TCF7L1: variants seen among roughly 807,000 people sequenced by gnomAD.
TCF7L1 encodes the protein transcription factor 7-like 1.
Under a neutral mutation model 63.7 loss-of-function variants are expected in TCF7L1, and 18 were observed. That is an observed-to-expected ratio of 0.28 (90% CI 0.20 to 0.42). The LOEUF (loss-of-function observed/expected upper bound fraction) is 0.42, where lower values mean the gene tolerates loss of function less well. TCF7L1 is among the 10% of genes least tolerant of loss of function. The pLI, the probability that TCF7L1 is intolerant of heterozygous loss-of-function variation, is 1.00. For missense variants in TCF7L1, 654 were observed against 779.3 expected (o/e 0.84, Z 1.91); for synonymous variants, 355 against 340.9 (o/e 1.04, Z -0.46).
At chr2:85,161,667 T>C (rs1678290115) in intron 3 of TCF7L1, among the ~76,000 whole-genome samples, 1 of 152,212 alleles carries the variant, frequency 6.6e-6, no homozygotes, top group South Asian at 2.1e-4. Context: ...TCTATCTTTG[T>C]GCAGTTTTGG....
intron 3 of TCF7L1, chr2:85,232,977 C>G (rs1406658791): frequency 6.6e-6 from 1 of 152,128 alleles, no homozygotes; most frequent in East Asian, 1.9e-4. Flanking sequence ...CTCTGTCACC[C>G]AGGCTAGAGT....
intron 3 of TCF7L1, among the ~76,000 whole-genome samples, chr2:85,146,492 T>C (rs113082906): frequency 0.081 from 11,227 of 138,066 alleles, 484 homozygotes; most frequent in Middle Eastern, 0.12. Flanking sequence ...TTCTTTTCTT[T>C]CTTTCTTTTT....
At chr2:85,302,769 G>A (rs1335989234) in intron 5 of TCF7L1, among the ~76,000 whole-genome samples, 153 bp downstream of exon 5, 1 of 152,056 alleles carries the variant, frequency 6.6e-6, no homozygotes, top group Non-Finnish European at 1.5e-5. Flanking sequence ...CTTTAGCCTT[G>A]TCATTTTTTT....
intron 4 of TCF7L1, among the ~76,000 whole-genome samples, chr2:85,288,414 C>G (rs1040777277): frequency 2.0e-5 from 3 of 152,124 alleles, no homozygotes; most frequent in Non-Finnish European, 2.9e-5. Flanking sequence ...TTACTCCATG[C>G]GGCTCTCCAG....
chr2:85,291,493 C>T (rs553752703), intron 4 of TCF7L1, among the ~76,000 whole-genome samples: 52 of 152,252 alleles, frequency 3.4e-4, no homozygotes, highest in African/African-American at 1.2e-3. Context: ...GAAGCCTCAC[C>T]GGAAGCACCT....
At chr2:85,225,303 A>G (rs1572999109) in intron 3 of TCF7L1, among the ~76,000 whole-genome samples, 1 of 152,156 alleles carries the variant, frequency 6.6e-6, no homozygotes, top group Non-Finnish European at 1.5e-5. Flanking sequence ...GTTTTTTCCA[A>G]TTCTGTGAAG....
chr2:85,154,809 A>C (rs1318628440), intron 3 of TCF7L1, among the ~76,000 whole-genome samples: 4 of 151,620 alleles, frequency 2.6e-5, no homozygotes, highest in African/African-American at 9.7e-5. Flanking sequence ...CAAGTGAGTG[A>C]GGCACCCATA....
At position 85,309,704 on chromosome 2, in the gene TCF7L1, G is replaced by C. The variant is rs920022688; in HGVS notation, c.*242G>C. On this transcript the variant is annotated 3_prime_UTR_variant, in exon 12 of 12. Transcript: ENST00000282111. Reference sequence around the variant, plus strand: ...ATAAGAAAGAGAACTGAAAAGTAGCGTGCTATTCGTCCTGTAGGTGCTGTG... The same window carrying C: ...ATAAGAAAGAGAACTGAAAAGTAGCCTGCTATTCGTCCTGTAGGTGCTGTG... The C allele has an allele frequency of 4.6e-6, 2 of 436,940 alleles. No individual in the cohort carries two copies. Among genetic ancestry groups the C allele is most frequent in the Non-Finnish European group, 4.0e-6 (1 of 250,250 alleles). The allele number at this position is 436,940 out of a possible 1,614,324, so 27.1% of individuals were successfully genotyped here.
intron 3 of TCF7L1, among the ~76,000 whole-genome samples, chr2:85,203,038 T>G (rs1394249147): frequency 2.0e-5 from 3 of 152,134 alleles, no homozygotes; most frequent in Non-Finnish European, 4.4e-5. Context: ...GGTTTCACCA[T>G]GTTAGCCAGG....
intron 3 of TCF7L1, among the ~76,000 whole-genome samples, chr2:85,155,402 C>T (rs1008823572): frequency 1.3e-5 from 2 of 152,172 alleles, no homozygotes; most frequent in African/African-American, 4.8e-5. Flanking sequence ...TGCTGCTGTT[C>T]ACTCTTTGGG....
At chr2:85,224,594 A>G (rs1227197794) in intron 3 of TCF7L1, among the ~76,000 whole-genome samples, 3 of 152,150 alleles carry the variant, frequency 2.0e-5, no homozygotes, top group East Asian at 1.9e-4. Context: ...TTTGAGAAGT[A>G]TCTGTTCATA....
intron 3 of TCF7L1, among the ~76,000 whole-genome samples, chr2:85,272,831 T>TA (rs960572112): frequency 2.6e-5 from 4 of 151,914 alleles, no homozygotes; most frequent in East Asian, 1.9e-4. Flanking sequence ...AATCAATCAA[T>TA]AAAAAAATCA....
At chr2:85,142,479 A>G in intron 3 of TCF7L1, among the ~76,000 whole-genome samples, 1 of 146,092 alleles carries the variant, frequency 6.8e-6, no homozygotes, top group Admixed American at 6.9e-5. Context: ...GTGTATATAT[A>G]TAATATATAT....
At chr2:85,156,790 T>C (rs55880914) in intron 3 of TCF7L1, among the ~76,000 whole-genome samples, 4,059 of 152,358 alleles carry the variant, frequency 0.027, 88 homozygotes, top group Non-Finnish European at 0.036. Context: ...CGCGCATGCA[T>C]GCACATGTGT....
At chr2:85,219,301 A>G (rs1327690074) in intron 3 of TCF7L1, among the ~76,000 whole-genome samples, 1 of 152,218 alleles carries the variant, frequency 6.6e-6, no homozygotes, top group East Asian at 1.9e-4. Flanking sequence ...TTGTTAATAA[A>G]TGACACATTT....
chr2:85,164,872 T>C (rs924551686), intron 3 of TCF7L1, among the ~76,000 whole-genome samples: 12 of 152,224 alleles, frequency 7.9e-5, no homozygotes, highest in Non-Finnish European at 1.0e-4. Context: ...TATACTGTTA[T>C]CCTTAGCAAT....
chr2:85,239,956 A>AC (rs1169979915), intron 3 of TCF7L1, among the ~76,000 whole-genome samples: 1 of 151,814 alleles, frequency 6.6e-6, no homozygotes, highest in African/African-American at 2.4e-5. Context: ...AAAAAAAAAA[A>AC]AAAAACAAAA....
At chr2:85,215,837 G>T (rs1222549854) in intron 3 of TCF7L1, among the ~76,000 whole-genome samples, 1 of 152,000 alleles carries the variant, frequency 6.6e-6, no homozygotes, top group Non-Finnish European at 1.5e-5. Context: ...TCCCTGCTCA[G>T]CAGTGTTTTT....
At chr2:85,225,261 G>A (rs557277826) in intron 3 of TCF7L1, among the ~76,000 whole-genome samples, 4 of 152,120 alleles carry the variant, frequency 2.6e-5, no homozygotes, top group South Asian at 4.2e-4. Context: ...TGCCTATGCC[G>A]GCTCTTTTGG....
Sources: gnomAD v4.1 joint callset for allele counts (sites outside exome capture counted in the v4.1 genomes callset) on GRCh38, gnomAD v4.1.1 for gene constraint, MANE v1.5 for transcripts, NCBI Gene and HGNC (gene_info 2026-07-23, HGNC 2026-07-21) for gene names.